The following SLC4A10 variants were observed in gnomAD, a reference collection of about 807,000 sequenced individuals.
SLC4A10 encodes the protein sodium-driven chloride bicarbonate exchanger.
A neutral mutation model predicts 137.7 loss-of-function variants in SLC4A10; 42 were observed. The ratio of observed to expected loss-of-function variants is 0.30; its 90% CI spans 0.24 to 0.39. The LOEUF (loss-of-function observed/expected upper bound fraction) is 0.39, where lower values mean the gene tolerates loss of function less well. Ranked by LOEUF, SLC4A10 falls within the 10% of genes least tolerant of loss-of-function variation. SLC4A10 has a pLI of 1.00. For missense variants in SLC4A10, 925 were observed against 1,355.0 expected, an observed-to-expected ratio of 0.68 and a Z score of 4.98; for synonymous variants, 474 against 464.1, an observed-to-expected ratio of 1.02 and a Z score of -0.27.
At chr2:161,972,344 G>T (rs990425970) in intron 23 of SLC4A10, among the ~76,000 whole-genome samples, 8 of 152,020 alleles carry the variant, frequency 5.3e-5, no homozygotes. Context: ...GCCCCTGACC[G>T]CCAGGATGTG....
chr2:161,734,824 A>T (rs2047171517), intron 1 of SLC4A10, among the ~76,000 whole-genome samples: 1 of 151,922 alleles, frequency 6.6e-6, no homozygotes, highest in Non-Finnish European at 1.5e-5. Flanking sequence ...TCATATCTTG[A>T]ATTGTATTAA....
At chr2:161,644,068 C>CTTTTTTTTTTTTTTTT (rs5835873) in intron 1 of SLC4A10, among the ~76,000 whole-genome samples, 1 of 143,730 alleles carries the variant, frequency 7.0e-6, no homozygotes, top group Non-Finnish European at 1.5e-5. Context: ...GGCTTCTAAT[C>CTTTTTTTTTTTTTTTT]TTTTTTTTTT....
chr2:161,716,766 C>G (rs988444794), intron 1 of SLC4A10, among the ~76,000 whole-genome samples: 1 of 151,856 alleles, frequency 6.6e-6, no homozygotes, highest in Non-Finnish European at 1.5e-5. Flanking sequence ...TTCTTTTTTC[C>G]TTAGGATTGT....
chr2:161,849,192 T>A (rs1460518003), intron 4 of SLC4A10, among the ~76,000 whole-genome samples: 1 of 152,168 alleles, frequency 6.6e-6, no homozygotes, highest in African/African-American at 2.4e-5. Context: ...ATTCTTGATT[T>A]AGCTCTCAGC....
intron 15 of SLC4A10, among the ~76,000 whole-genome samples, chr2:161,906,719 T>C (rs1001321997): frequency 1.3e-5 from 2 of 152,202 alleles, no homozygotes; most frequent in African/African-American, 4.8e-5. Context: ...CCTTTTAATA[T>C]TTTTTAATCT....
intron 18 of SLC4A10, 30 bp downstream of exon 18, chr2:161,949,291 C>G (rs1256076793): frequency 6.5e-6 from 9 of 1,379,814 alleles, no homozygotes; most frequent in Non-Finnish European, 9.3e-6. Context: ...CTCTTCCCAT[C>G]TCTCTCGGTC....
At chr2:161,883,659 C>G (rs567353942) in intron 10 of SLC4A10, among the ~76,000 whole-genome samples, 9 of 152,090 alleles carry the variant, frequency 5.9e-5, no homozygotes, top group African/African-American at 2.2e-4. Context: ...ACAATCCCTT[C>G]GAAGTCTCTA....
At chr2:161,729,702 C>T (rs1023807720) in intron 1 of SLC4A10, among the ~76,000 whole-genome samples, 30 of 151,870 alleles carry the variant, frequency 2.0e-4, no homozygotes, top group African/African-American at 5.8e-4. Flanking sequence ...TTGGGTCCTA[C>T]GTTAAAAAAA....
Position 161,919,685 on chromosome 2 carries a change from TG to T in SLC4A10, c.1997+13799del, listed in dbSNP as rs1396840516. On this transcript the variant is annotated intron_variant, in intron 15 of 26. Coordinates refer to ENST00000446997, the MANE Select transcript of SLC4A10 (RefSeq NM_001178015.2). ...TCATCTTGTTCACCCTCTAGTTGTC[TG>T]CATATCCCATTCTTCCTGGATGTAG... Among the ~76,000 whole-genome samples the T allele has an allele frequency of 1.3e-5, 2 of 152,192 alleles. 1 individual carries two copies.
chr2:161,838,037 A>G (rs888109201), intron 3 of SLC4A10, among the ~76,000 whole-genome samples: 2 of 152,166 alleles, frequency 1.3e-5, no homozygotes, highest in Admixed American at 1.3e-4. Flanking sequence ...GCAAGAAATA[A>G]ATTTCTGTTG....
At chr2:161,910,295 A>T (rs987407994) in intron 15 of SLC4A10, among the ~76,000 whole-genome samples, 4 of 152,130 alleles carry the variant, frequency 2.6e-5, no homozygotes, top group African/African-American at 9.7e-5. Flanking sequence ...TATATTTGAA[A>T]ATATAAGCTT....
chr2:161,709,599 T>G (rs1029979740), intron 1 of SLC4A10, among the ~76,000 whole-genome samples: 16 of 151,692 alleles, frequency 1.1e-4, no homozygotes, highest in Non-Finnish European at 2.1e-4. Flanking sequence ...GAGAGCTTCG[T>G]CCTTTGCTTA....
chr2:161,817,107 G>C (rs1258256703), intron 3 of SLC4A10, among the ~76,000 whole-genome samples: 1 of 152,208 alleles, frequency 6.6e-6, no homozygotes. Context: ...CAGTGTAAAA[G>C]TGTTCCTATT....
intron 25 of SLC4A10, among the ~76,000 whole-genome samples, chr2:161,977,511 T>C (rs1245462484): frequency 1.3e-5 from 2 of 152,150 alleles, no homozygotes; most frequent in Non-Finnish European, 2.9e-5. Context: ...GTGAATCTTC[T>C]AGGATTTATA....
chr2:161,703,435 A>G (rs1392675193), intron 1 of SLC4A10, among the ~76,000 whole-genome samples: 1 of 151,662 alleles, frequency 6.6e-6, no homozygotes, highest in Non-Finnish European at 1.5e-5. Context: ...TTTTAGGTGT[A>G]TATTATTTAA....
intron 2 of SLC4A10, among the ~76,000 whole-genome samples, chr2:161,798,036 A>C (rs902451246): frequency 3.3e-5 from 5 of 152,010 alleles, no homozygotes; most frequent in Admixed American, 3.3e-4. Context: ...GAACAATGGC[A>C]CAGTAGCCTA....
intron 1 of SLC4A10, among the ~76,000 whole-genome samples, chr2:161,688,974 C>T (rs1482126915): frequency 6.6e-6 from 1 of 150,390 alleles, no homozygotes; most frequent in Non-Finnish European, 1.5e-5. Flanking sequence ...TAGTTCTTAA[C>T]AAAAAATATG....
At chr2:161,973,913 C>T (rs994260320) in intron 23 of SLC4A10, among the ~76,000 whole-genome samples, 3 of 152,296 alleles carry the variant, frequency 2.0e-5, no homozygotes, top group East Asian at 1.9e-4. Flanking sequence ...ACCTTTATAA[C>T]AATAAAACTG....
chr2:161,841,379 G>A (rs749870463), intron 4 of SLC4A10, among the ~76,000 whole-genome samples: 1 of 152,090 alleles, frequency 6.6e-6, no homozygotes. Context: ...TGCCCCTGCT[G>A]ACACAGGTTT....
Sources: gnomAD v4.1 joint callset for allele counts (sites outside exome capture counted in the v4.1 genomes callset) on GRCh38, gnomAD v4.1.1 for gene constraint, MANE v1.5 for transcripts, NCBI Gene and HGNC (gene_info 2026-07-23, HGNC 2026-07-21) for gene names.